The following SCHIP1 variants were observed in gnomAD, a reference collection of about 807,000 sequenced individuals.
SCHIP1 encodes the protein schwannomin interacting protein 1.
A neutral mutation model predicts 29.7 loss-of-function variants in SCHIP1; 8 were observed. That is an observed-to-expected ratio of 0.27 (90% CI 0.16 to 0.49). The LOEUF is 0.49. Ranked by LOEUF, SCHIP1 falls within the 20% of genes least tolerant of loss-of-function variation. The probability of loss-of-function intolerance (pLI) is 0.99; values close to 1 mark genes in which losing one functional copy is unlikely to be tolerated. For synonymous variants in SCHIP1, 76 were observed against 94.9 expected (o/e 0.80, Z 1.16); for missense variants, 193 against 294.6 (o/e 0.66, Z 2.52).
chr3:159,848,738 C>T (rs1712178784), intron 1 of SCHIP1, among the ~76,000 whole-genome samples: 1 of 151,992 alleles, frequency 6.6e-6, no homozygotes, highest in Non-Finnish European at 1.5e-5. Flanking sequence ...TTCTAGAAAG[C>T]TCCCAGTGCT....
At chr3:159,868,312 T>C (rs892695720) in intron 2 of SCHIP1, among the ~76,000 whole-genome samples, 1 of 151,954 alleles carries the variant, frequency 6.6e-6, no homozygotes, top group African/African-American at 2.4e-5. Flanking sequence ...TACCTACATA[T>C]CTCTAAATAA....
At chr3:159,776,318 C>T in the SCHIP1 span, among the ~76,000 whole-genome samples, 7 of 126,350 alleles carry the variant, frequency 5.5e-5, no homozygotes, top group Non-Finnish European at 9.7e-5. Flanking sequence ...ACAACTACAT[C>T]TTAAGTGTTC....
chr3:159,560,173 A>C, the SCHIP1 span, among the ~76,000 whole-genome samples: 1 of 152,206 alleles, frequency 6.6e-6, no homozygotes, highest in East Asian at 1.9e-4. Context: ...CTTTTCGGCC[A>C]ATTATTCTTC....
chr3:159,370,941 T>C, the SCHIP1 span, among the ~76,000 whole-genome samples: 58 of 152,274 alleles, frequency 3.8e-4, no homozygotes, highest in Admixed American at 5.2e-4. Flanking sequence ...AGATGGCATA[T>C]GGAAGGATAT....
At chr3:159,611,792 TGAA>T in the SCHIP1 span, among the ~76,000 whole-genome samples, 2 of 152,156 alleles carry the variant, frequency 1.3e-5, no homozygotes, top group Non-Finnish European at 2.9e-5. Context: ...TGCAGTGAAC[TGAA>T]GAAGATGCCC....
At chr3:159,681,980 C>T in the SCHIP1 span, among the ~76,000 whole-genome samples, 1 of 152,174 alleles carries the variant, frequency 6.6e-6, no homozygotes, top group East Asian at 1.9e-4. Context: ...GTTAACTCAA[C>T]TTAACTTGGA....
At chr3:159,351,389 C>T in the SCHIP1 span, among the ~76,000 whole-genome samples, 20 of 152,202 alleles carry the variant, frequency 1.3e-4, no homozygotes, top group Non-Finnish European at 2.2e-4. Context: ...CAGTCATTTT[C>T]CAATACCTCC....
At chr3:159,411,559 T>A in the SCHIP1 span, among the ~76,000 whole-genome samples, 1 of 152,176 alleles carries the variant, frequency 6.6e-6, no homozygotes, top group African/African-American at 2.4e-5. Context: ...AATGATTAAA[T>A]AATCCAAGAA....
chr3:159,520,558 A>G, the SCHIP1 span, among the ~76,000 whole-genome samples: 1 of 152,196 alleles, frequency 6.6e-6, no homozygotes, highest in Admixed American at 6.5e-5. Context: ...TATGTACCCT[A>G]CAAGATTAAA....
At chr3:159,303,452 G>A in the SCHIP1 span, among the ~76,000 whole-genome samples, 2 of 149,214 alleles carry the variant, frequency 1.3e-5, no homozygotes, top group African/African-American at 5.0e-5. Context: ...GAGAGAGAAA[G>A]AGAGAGAGAA....
At chr3:159,875,008 C>A (rs1398453876) in intron 2 of SCHIP1, among the ~76,000 whole-genome samples, 1 of 134,338 alleles carries the variant, frequency 7.4e-6, no homozygotes. Context: ...TGAAAGGCCA[C>A]TGGGTAGTCT....
At chr3:159,322,223 G>A in the SCHIP1 span, among the ~76,000 whole-genome samples, 2 of 152,156 alleles carry the variant, frequency 1.3e-5, no homozygotes, top group African/African-American at 4.8e-5. Context: ...CCGTGTGGAA[G>A]ACACCATTTT....
the SCHIP1 span, among the ~76,000 whole-genome samples, chr3:159,670,757 C>A: frequency 6.6e-6 from 1 of 152,104 alleles, no homozygotes; most frequent in East Asian, 1.9e-4. Context: ...TACTACTGAG[C>A]TTCCTCTCAA....
At chr3:159,746,555 T>TG in the SCHIP1 span, among the ~76,000 whole-genome samples, 1 of 152,084 alleles carries the variant, frequency 6.6e-6, no homozygotes, top group Non-Finnish European at 1.5e-5. Flanking sequence ...AAATTTAGTT[T>TG]TTTTTCAACA....
At chr3:159,673,920 T>G in the SCHIP1 span, among the ~76,000 whole-genome samples, 1 of 152,182 alleles carries the variant, frequency 6.6e-6, no homozygotes, top group Non-Finnish European at 1.5e-5. Flanking sequence ...GTCGCTGCCA[T>G]CAGGATGTTC....
the SCHIP1 span, among the ~76,000 whole-genome samples, chr3:159,793,631 C>G: frequency 1.3e-5 from 2 of 152,112 alleles, no homozygotes; most frequent in Non-Finnish European, 2.9e-5. Context: ...CATCTCGTCT[C>G]ACTGCAACTT....
the SCHIP1 span, among the ~76,000 whole-genome samples, chr3:159,820,143 C>T: frequency 6.6e-6 from 1 of 152,174 alleles, no homozygotes; most frequent in South Asian, 2.1e-4. Context: ...GCTGTTGGCT[C>T]TTCCCACCCC....
the SCHIP1 span, among the ~76,000 whole-genome samples, chr3:159,356,388 T>C: frequency 6.6e-6 from 1 of 152,168 alleles, no homozygotes; most frequent in Non-Finnish European, 1.5e-5. Context: ...ATATATTTCC[T>C]CAGAATGATA....
chr3:159,607,655 G>A, the SCHIP1 span, among the ~76,000 whole-genome samples: 1 of 152,164 alleles, frequency 6.6e-6, no homozygotes. Flanking sequence ...CAGAAAACAG[G>A]AGGAAAGAGG....
Sources: gnomAD v4.1 joint callset for allele counts (sites outside exome capture counted in the v4.1 genomes callset) on GRCh38, gnomAD v4.1.1 for gene constraint, MANE v1.5 for transcripts, NCBI Gene and HGNC (gene_info 2026-07-23, HGNC 2026-07-21) for gene names.